The following LHFPL6 variants were observed in gnomAD, a reference collection of about 807,000 sequenced individuals.
LHFPL6 encodes LHFPL tetraspan subfamily member 6 protein.
In LHFPL6, 9 loss-of-function variants were observed where a neutral mutation model predicts 20.6. The ratio of observed to expected loss-of-function variants is 0.44; its 90% CI spans 0.26 to 0.76. LHFPL6 has a LOEUF of 0.76. Among genes scored for constraint, LHFPL6 ranks in the 30% least tolerant of loss-of-function variants. LHFPL6 has a pLI of 0.20. For synonymous variants in LHFPL6, 105 were observed against 98.7 expected (o/e 1.06, Z -0.38); for missense variants, 218 against 253.5 (o/e 0.86, Z 0.95).
chr13:39,566,387 A>C (rs1871714610), intron 2 of LHFPL6, among the ~76,000 whole-genome samples: 2 of 152,226 alleles, frequency 1.3e-5, no homozygotes. Flanking sequence ...TGAATGACTC[A>C]GTATACATTG....
intron 2 of LHFPL6, among the ~76,000 whole-genome samples, chr13:39,546,511 C>T (rs1200805074): frequency 6.6e-6 from 1 of 152,154 alleles, no homozygotes; most frequent in Non-Finnish European, 1.5e-5. Flanking sequence ...AATGCAAATT[C>T]TTGGGTCCAC....
intron 2 of LHFPL6, among the ~76,000 whole-genome samples, chr13:39,584,525 CAAAAAAA>C (rs35746128): frequency 1.4e-4 from 8 of 58,838 alleles, no homozygotes; most frequent in Non-Finnish European, 3.1e-4. Flanking sequence ...AACTCTGTCT[CAAAAAAA>C]AAAAAAAAAA....
At chr13:39,570,121 A>G (rs11841919) in intron 2 of LHFPL6, among the ~76,000 whole-genome samples, 25 of 151,882 alleles carry the variant, frequency 1.6e-4, no homozygotes, top group African/African-American at 6.0e-4. Context: ...ATCTTTCTTT[A>G]CTCTTTTTAA....
intron 2 of LHFPL6, among the ~76,000 whole-genome samples, chr13:39,396,946 T>G (rs949724462): frequency 2.0e-5 from 3 of 152,144 alleles, no homozygotes; most frequent in African/African-American, 7.2e-5. Context: ...GAAACTTCTC[T>G]AGAACCTTCA....
chr13:39,343,981 C>T lies in LHFPL6; in HGVS notation c.558G>A (p.Trp186Ter). 1.9e-6 allele frequency: 3 copies of T among 1,613,756 alleles called. No individual in the cohort carries two copies. Among genetic ancestry groups the T allele is most frequent in the Non-Finnish European group, 2.5e-6 (3 of 1,179,940 alleles). ...GTTTCTTGCCCGAAAAGCAAGCCAG[C>T]CACGTGCACAGCAGCATGGCGGCAG... The part of the protein sequence containing the change: ...GATAAMLLCT[W>*]LACFSGKKQK... The change falls in exon 4 of 4, where the codon TGG (tryptophan) becomes TGA (stop). Residue 186 changes from tryptophan (W) to a stop codon, truncating the protein, a stop_gained. Transcript: ENST00000379589. LOFTEE classifies it high-confidence loss of function.
intron 3 of LHFPL6, among the ~76,000 whole-genome samples, chr13:39,362,865 G>A (rs1297357843): frequency 6.6e-6 from 1 of 152,194 alleles, no homozygotes; most frequent in African/African-American, 2.4e-5. Context: ...CAATTCAGGA[G>A]ATGAATAAGT....
Position 39,432,848 on chromosome 13 carries a change from C to CAATT in LHFPL6, c.386-54326_386-54323dup, listed in dbSNP as rs549576344. On this transcript the variant is annotated intron_variant, in intron 2 of 3. Transcript: ENST00000379589. ...AGTAGCCAATACATGGTCATTGAAT[C>CAATT]AATTAATCAGTCAATCAATCTATCA... Among the ~76,000 whole-genome samples, 187 of 152,294 alleles carry CAATT rather than the reference C, an allele frequency of 1.2e-3. 6 individuals are homozygous for CAATT. In the South Asian group the frequency reaches 0.037, roughly 30 times the overall value.
chr13:39,511,231 G>A (rs1243119108), intron 2 of LHFPL6, among the ~76,000 whole-genome samples: 3 of 152,134 alleles, frequency 2.0e-5, no homozygotes, highest in Non-Finnish European at 2.9e-5. Flanking sequence ...GGTATTTAAT[G>A]TAATGGCTAC....
chr13:39,424,129 T>G (rs1045652108), intron 2 of LHFPL6, among the ~76,000 whole-genome samples: 1 of 152,206 alleles, frequency 6.6e-6, no homozygotes, highest in Non-Finnish European at 1.5e-5. Context: ...AAAATAGTTA[T>G]AGAAAATTAT....
At chr13:39,400,522 G>C (rs998602714) in intron 2 of LHFPL6, among the ~76,000 whole-genome samples, 1 of 152,052 alleles carries the variant, frequency 6.6e-6, no homozygotes, top group Admixed American at 6.6e-5. Flanking sequence ...GGTGGCTCAC[G>C]CCTGTAATCC....
chr13:39,536,340 G>T (rs1443384815), intron 2 of LHFPL6, among the ~76,000 whole-genome samples: 2 of 152,160 alleles, frequency 1.3e-5, no homozygotes, highest in Non-Finnish European at 2.9e-5. Flanking sequence ...GTACCACTCA[G>T]ATCTCCCTTC....
chr13:39,511,259 A>G lies in LHFPL6; in HGVS notation c.385+89573T>C, dbSNP rs182788846. Among the ~76,000 whole-genome samples, 694 of 152,314 alleles carry G rather than the reference A, an allele frequency of 4.6e-3. 5 individuals carry two copies. Among genetic ancestry groups the G allele is most frequent in the African/African-American group, 0.016 (656 of 41,572 alleles). ...ATGGCTACTTCTGTATCCACTTTCC[A>G]ATTTTTCAAATCTTAACATTTTGTC... is the stretch of plus-strand genomic sequence containing the variant. On this transcript the variant is annotated intron_variant, in intron 2 of 3. Transcript: ENST00000379589.
chr13:39,382,402 G>T (rs1385803990), intron 2 of LHFPL6, among the ~76,000 whole-genome samples: 1 of 152,002 alleles, frequency 6.6e-6, no homozygotes, highest in Non-Finnish European at 1.5e-5. Flanking sequence ...TGTTTGTTTG[G>T]TTGTTTTGTT....
intron 2 of LHFPL6, among the ~76,000 whole-genome samples, chr13:39,467,348 T>C (rs1373784715): frequency 2.6e-5 from 4 of 152,186 alleles, no homozygotes; most frequent in Non-Finnish European, 5.9e-5. Flanking sequence ...CTCCCAACTA[T>C]TTTCAACATT....
At chr13:39,559,075 C>T (rs1871393287) in intron 2 of LHFPL6, among the ~76,000 whole-genome samples, 1 of 152,182 alleles carries the variant, frequency 6.6e-6, no homozygotes, top group African/African-American at 2.4e-5. Flanking sequence ...TAAGCCCAGT[C>T]TATCAGACCA....
At chr13:39,559,060 T>C (rs1044095343) in intron 2 of LHFPL6, among the ~76,000 whole-genome samples, 1 of 152,176 alleles carries the variant, frequency 6.6e-6, no homozygotes, top group African/African-American at 2.4e-5. Context: ...TTGCAGGCAC[T>C]GAAATAAGCC....
At chr13:39,444,830 A>G (rs2138416657) in intron 2 of LHFPL6, among the ~76,000 whole-genome samples, 1 of 152,314 alleles carries the variant, frequency 6.6e-6, no homozygotes, top group South Asian at 2.1e-4. Flanking sequence ...TGCTAGAGCA[A>G]TGCCTAGTGG....
chr13:39,575,282 A>G (rs939081605), intron 2 of LHFPL6, among the ~76,000 whole-genome samples: 1 of 152,184 alleles, frequency 6.6e-6, no homozygotes, highest in Non-Finnish European at 1.5e-5. Flanking sequence ...TGATTCTGCT[A>G]ATACCCCCAG....
At chr13:39,469,886 G>A (rs1479033085) in intron 2 of LHFPL6, among the ~76,000 whole-genome samples, 2 of 152,176 alleles carry the variant, frequency 1.3e-5, no homozygotes, top group Admixed American at 6.5e-5. Flanking sequence ...CCCAGAGGCA[G>A]ACAGGTACAA....
Sources: allele counts gnomAD v4.1 joint callset (sites outside exome capture counted in the v4.1 genomes callset), GRCh38; gene constraint gnomAD v4.1.1; transcripts MANE v1.5; gene names NCBI Gene and HGNC (gene_info 2026-07-23, HGNC 2026-07-21).